Variants in SLC24A3 observed in about 807,000 individuals in gnomAD.
SLC24A3 encodes sodium/potassium/calcium exchanger 3.
SLC24A3 carries 28 observed loss-of-function variants against 75.8 expected under a neutral mutation model. The observed-to-expected ratio is 0.37, with a 90% confidence interval of 0.27 to 0.51. The LOEUF (loss-of-function observed/expected upper bound fraction) is 0.51. Ranked by LOEUF, SLC24A3 falls within the 20% of genes least tolerant of loss-of-function variation. The probability of loss-of-function intolerance (pLI) is 0.94; values close to 1 mark genes in which losing one functional copy is unlikely to be tolerated. For missense variants in SLC24A3, 663 were observed against 847.8 expected, an observed-to-expected ratio of 0.78 and a Z score of 2.71; for synonymous variants, 372 against 334.1, an observed-to-expected ratio of 1.11 and a Z score of -1.24.
intron 2 of SLC24A3, among the ~76,000 whole-genome samples, chr20:19,370,483 A>G (rs569102458): frequency 1.6e-4 from 24 of 152,356 alleles, no homozygotes; most frequent in Middle Eastern, 3.4e-3. Flanking sequence ...TGTTCCTGCC[A>G]TCTAATGCAT....
chr20:19,368,185 TG>T (rs11477280), intron 2 of SLC24A3, among the ~76,000 whole-genome samples: 76,537 of 151,902 alleles, frequency 0.5, 20,053 homozygotes, highest in African/African-American at 0.64. Flanking sequence ...AGAGGGATGT[TG>T]GGCTTCTTTT....
At chr20:19,453,887 G>C (rs995552663) in intron 2 of SLC24A3, among the ~76,000 whole-genome samples, 10 of 152,284 alleles carry the variant, frequency 6.6e-5, no homozygotes, top group South Asian at 2.1e-4. Context: ...GTGTTCCCAG[G>C]CTGCCCAGGC....
At chr20:19,267,875 C>A (rs982563132) in intron 1 of SLC24A3, among the ~76,000 whole-genome samples, 4 of 152,122 alleles carry the variant, frequency 2.6e-5, no homozygotes, top group Non-Finnish European at 5.9e-5. Context: ...TAGCTGGTGG[C>A]CATGTCTTCC....
At chr20:19,246,384 T>C (rs971519580) in intron 1 of SLC24A3, among the ~76,000 whole-genome samples, 1 of 152,130 alleles carries the variant, frequency 6.6e-6, no homozygotes, top group African/African-American at 2.4e-5. Flanking sequence ...TTGTTCATTA[T>C]GAAGAACAGT....
chr20:19,640,227 A>AT (rs995453093), intron 6 of SLC24A3, among the ~76,000 whole-genome samples: 2 of 152,202 alleles, frequency 1.3e-5, no homozygotes, highest in Non-Finnish European at 2.9e-5. Context: ...CAAGTGTGTC[A>AT]TTTTTTTATC....
At chr20:19,648,491 T>C (rs933117410) in intron 6 of SLC24A3, among the ~76,000 whole-genome samples, 4 of 147,986 alleles carry the variant, frequency 2.7e-5, no homozygotes, top group South Asian at 4.3e-4. Context: ...ATCGAGAATA[T>C]TTGTGCCTTT....
intron 2 of SLC24A3, among the ~76,000 whole-genome samples, chr20:19,363,921 CTGT>C (rs1375818960): frequency 2.0e-5 from 3 of 152,070 alleles, no homozygotes; most frequent in Non-Finnish European, 4.4e-5. Context: ...GGCTGAGTGT[CTGT>C]GGGGAGACAG....
chr20:19,330,974 A>T (rs1174776622), intron 2 of SLC24A3, among the ~76,000 whole-genome samples: 4 of 152,170 alleles, frequency 2.6e-5, no homozygotes, highest in Non-Finnish European at 4.4e-5. Flanking sequence ...CCAATGAGGA[A>T]CATTCTATTG....
chr20:19,486,911 C>A (rs949142386), intron 2 of SLC24A3, among the ~76,000 whole-genome samples: 1 of 152,184 alleles, frequency 6.6e-6, no homozygotes, highest in African/African-American at 2.4e-5. Flanking sequence ...GGCTTGGACA[C>A]AACTTTGGTC....
chr20:19,235,561 G>A (rs1982142893), intron 1 of SLC24A3, among the ~76,000 whole-genome samples: 1 of 152,146 alleles, frequency 6.6e-6, no homozygotes, highest in Non-Finnish European at 1.5e-5. Flanking sequence ...CTCCTTCACA[G>A]CGTCTCTCCC....
chr20:19,698,440 C>G lies in SLC24A3; in HGVS notation c.1607-128C>G. 4.9e-6 allele frequency: 3 copies of G among 608,910 alleles called. No homozygotes were observed. The East Asian group carries it at 8.3e-5, about 17-fold the overall frequency. 37.7% of individuals were successfully genotyped at this position (608,910 alleles called of 1,614,324 possible). A position where few individuals can be genotyped will look rare whatever the true frequency, so the allele number is the denominator to read the frequency against. ...GTCATCCTTTCACATGGGTGATGGC[C>G]TTGAAAGAGAAGCACATATGTGAGC... On this transcript the variant is annotated intron_variant, in intron 14 of 16. Transcript: ENST00000328041.
chr20:19,547,084 G>T (rs1600275401), intron 3 of SLC24A3, among the ~76,000 whole-genome samples: 1 of 152,306 alleles, frequency 6.6e-6, no homozygotes, highest in South Asian at 2.1e-4. Flanking sequence ...CACTATTCCT[G>T]TGGTAGCTAT....
intron 15 of SLC24A3, among the ~76,000 whole-genome samples, chr20:19,716,254 T>C (rs1007749759): frequency 3.3e-5 from 5 of 152,070 alleles, no homozygotes; most frequent in African/African-American, 1.2e-4. Context: ...ATGACTTTGG[T>C]CAAAGGCAGA....
chr20:19,411,553 C>G (rs944487104), intron 2 of SLC24A3, among the ~76,000 whole-genome samples: 2 of 152,190 alleles, frequency 1.3e-5, no homozygotes, highest in African/African-American at 4.8e-5. Flanking sequence ...ATTTCCCAGG[C>G]AACTGAAAAC....
At chr20:19,359,736 T>C (rs985496070) in intron 2 of SLC24A3, among the ~76,000 whole-genome samples, 3 of 152,164 alleles carry the variant, frequency 2.0e-5, no homozygotes, top group Admixed American at 1.3e-4. Flanking sequence ...TGGCTCTGCT[T>C]TCTGACTGTT....
intron 2 of SLC24A3, among the ~76,000 whole-genome samples, chr20:19,390,939 G>A (rs1258698289): frequency 1.3e-5 from 2 of 152,272 alleles, no homozygotes; most frequent in African/African-American, 2.4e-5. Context: ...AGTGTAGCAG[G>A]TCTGAGGGCT....
At chr20:19,276,236 A>C (rs1983483315) in intron 1 of SLC24A3, among the ~76,000 whole-genome samples, 1 of 152,162 alleles carries the variant, frequency 6.6e-6, no homozygotes, top group South Asian at 2.1e-4. Context: ...TTGTGGGACC[A>C]GCCCAGTCTC....
intron 2 of SLC24A3, among the ~76,000 whole-genome samples, chr20:19,402,631 A>G (rs1986573240): frequency 6.6e-6 from 1 of 152,256 alleles, no homozygotes; most frequent in Non-Finnish European, 1.5e-5. Flanking sequence ...GGGCAGAAGG[A>G]AAGGATCAGA....
intron 6 of SLC24A3, among the ~76,000 whole-genome samples, chr20:19,633,313 T>C (rs1413299518): frequency 6.6e-6 from 1 of 152,232 alleles, no homozygotes; most frequent in Non-Finnish European, 1.5e-5. Flanking sequence ...CTTCACATGA[T>C]CTTCACCTTG....
Sources: gnomAD v4.1 joint callset for allele counts (sites outside exome capture counted in the v4.1 genomes callset) on GRCh38, gnomAD v4.1.1 for gene constraint, MANE v1.5 for transcripts, NCBI Gene and HGNC (gene_info 2026-07-23, HGNC 2026-07-21) for gene names.